The following NR3C1 variants were observed in gnomAD, a reference collection of about 807,000 sequenced individuals.
The protein encoded by NR3C1 is nuclear receptor subfamily 3 group C member 1.
NR3C1 carries 14 observed loss-of-function variants against 74.0 expected under a neutral mutation model. The observed-to-expected ratio is 0.19, with a 90% CI of 0.12 to 0.30. The LOEUF is 0.30. NR3C1 is among the 10% of genes least tolerant of loss of function. The pLI is 1.00. For missense variants in NR3C1, 695 were observed against 909.8 expected (o/e 0.76, Z 3.04); for synonymous variants, 308 against 332.5 (o/e 0.93, Z 0.80).
intron 2 of NR3C1, among the ~76,000 whole-genome samples, chr5:143,363,348 T>C (rs1189786410): frequency 6.6e-6 from 1 of 152,142 alleles, no homozygotes; most frequent in Non-Finnish European, 1.5e-5. Flanking sequence ...TACACTATAA[T>C]ATTCAAAATG....
intron 2 of NR3C1, among the ~76,000 whole-genome samples, chr5:143,323,328 T>C (rs1325417542): frequency 6.6e-6 from 1 of 152,174 alleles, no homozygotes; most frequent in Non-Finnish European, 1.5e-5. Context: ...TGAAAGGTAC[T>C]TCTTACATGG....
chr5:143,308,596 A>G (rs2151594777), intron 4 of NR3C1, among the ~76,000 whole-genome samples: 1 of 152,292 alleles, frequency 6.6e-6, no homozygotes, highest in South Asian at 2.1e-4. Context: ...TAGTCTTTGT[A>G]AAATACAAAT....
In NR3C1 at chr5:143,280,872, C is replaced by T. The variant is rs1812977323; in HGVS notation, c.*1017G>A. On this transcript the variant is annotated 3_prime_UTR_variant, in exon 9 of 9. Transcript: ENST00000394464. ...GAATCACAACTTTTAAGAAGTTATA[C>T]AAACTACTTCAAAAGGTCCTGAAAG... 1 of 152,318 alleles carries T rather than the reference C, an allele frequency of 6.6e-6. No homozygotes were observed. Among genetic ancestry groups the T allele is most frequent in the African/African-American group, 2.4e-5 (1 of 41,582 alleles). The allele number at this position is 152,318 out of a possible 1,614,324, so 9.4% of individuals were successfully genotyped here. A position where few individuals can be genotyped will look rare whatever the true frequency, so the allele number is the denominator to read the frequency against.
At chr5:143,404,202 G>GCGCCGC (rs997931393), upstream of NR3C1, 2 of 985,264 alleles carry the variant, frequency 2.0e-6, no homozygotes, top group African/African-American at 1.7e-5. Context: ...TGAGTGGCCC[G>GCGCCGC]CGCCGCCGCC....
At chr5:143,404,421 C>T (rs1157872276), upstream of NR3C1, 1 of 985,608 alleles carries the variant, frequency 1.0e-6, no homozygotes, top group East Asian at 1.1e-4. Flanking sequence ...CCCACCACCG[C>T]ATCATCTGGG....
At chr5:143,360,866 C>T (rs1832101634) in intron 2 of NR3C1, among the ~76,000 whole-genome samples, 1 of 152,144 alleles carries the variant, frequency 6.6e-6, no homozygotes, top group African/African-American at 2.4e-5. Context: ...ATGTAAATTT[C>T]CTCTGCTATA....
chr5:143,410,893 T>C (rs1009538358), intron 1 of NR3C1, among the ~76,000 whole-genome samples: 29 of 152,192 alleles, frequency 1.9e-4, no homozygotes, highest in African/African-American at 7.0e-4. Flanking sequence ...CCGGAAACAA[T>C]TGTACCAGCT....
At chr5:143,299,071 A>G (rs913952265) in intron 5 of NR3C1, among the ~76,000 whole-genome samples, 2 of 146,426 alleles carry the variant, frequency 1.4e-5, no homozygotes, top group African/African-American at 2.5e-5. Context: ...CTGGAGTGCA[A>G]TGGTGCCATC....
chr5:143,320,696 A>G (rs1232945531), intron 2 of NR3C1, among the ~76,000 whole-genome samples: 1 of 152,218 alleles, frequency 6.6e-6, no homozygotes, highest in African/African-American at 2.4e-5. Flanking sequence ...CATGTTATCT[A>G]TGCTACTTAA....
At chr5:143,416,283 A>G (rs1008852443) in intron 1 of NR3C1, among the ~76,000 whole-genome samples, 3 of 152,182 alleles carry the variant, frequency 2.0e-5, no homozygotes, top group Non-Finnish European at 2.9e-5. Context: ...TGCATGGGCC[A>G]GGTCTGGTAA....
chr5:143,354,308 C>G (rs939770377), intron 2 of NR3C1, among the ~76,000 whole-genome samples: 2 of 152,194 alleles, frequency 1.3e-5, no homozygotes, highest in Admixed American at 6.5e-5. Context: ...AGAGCTTTTC[C>G]TTTGCATTCA....
chr5:143,329,471 G>A (rs1222841103), intron 2 of NR3C1, among the ~76,000 whole-genome samples: 2 of 152,158 alleles, frequency 1.3e-5, no homozygotes, highest in Non-Finnish European at 2.9e-5. Context: ...ACTCAGAAAT[G>A]TTAGAGAATT....
chr5:143,324,371 G>A (rs977161791), intron 2 of NR3C1, among the ~76,000 whole-genome samples: 2 of 152,196 alleles, frequency 1.3e-5, no homozygotes, highest in Non-Finnish European at 2.9e-5. Context: ...CCAAGGCTTG[G>A]GGCCTCCACC....
At chr5:143,310,718 A>G (rs548641522) in intron 3 of NR3C1, among the ~76,000 whole-genome samples, 1 of 152,136 alleles carries the variant, frequency 6.6e-6, no homozygotes, top group Non-Finnish European at 1.5e-5. Flanking sequence ...GTAGTAGTGT[A>G]GTGGCATGAC....
At position 143,403,599 on chromosome 5, in the gene NR3C1, C is replaced by T; in HGVS notation, c.-402G>A. The T allele has an allele frequency of 1.0e-6, 1 of 985,934 alleles. No individual in the cohort carries two copies. Among genetic ancestry groups the T allele is most frequent in the South Asian group, 4.7e-5 (1 of 21,304 alleles). 61.1% of individuals were successfully genotyped at this position (985,934 alleles called of 1,614,324 possible). A position where few individuals can be genotyped will look rare whatever the true frequency, so the allele number is the denominator to read the frequency against. On this transcript the variant is annotated 5_prime_UTR_variant, in exon 1 of 9. Coordinates refer to ENST00000394464, the MANE Select transcript of NR3C1 (RefSeq NM_000176.3). ...CGAGCTCGCAAAATGGAGGAGGCGG[C>T]GGCGGAGGGAAGAGAGCGCGGACAC...
exon 1 of NR3C1, chr5:143,435,086 T>C (rs1037670006): frequency 7.1e-6 from 7 of 985,476 alleles, no homozygotes; most frequent in African/African-American, 1.7e-5. Flanking sequence ...ATGTGAGGTC[T>C]GATGCTGGGA....
At chr5:143,338,259 G>A (rs957711732) in intron 2 of NR3C1, among the ~76,000 whole-genome samples, 1 of 151,846 alleles carries the variant, frequency 6.6e-6, no homozygotes, top group African/African-American at 2.4e-5. Context: ...CATAATACTC[G>A]ATAATGATAA....
chr5:143,408,435 C>T (rs1841188123), upstream of NR3C1, among the ~76,000 whole-genome samples: 1 of 151,958 alleles, frequency 6.6e-6, no homozygotes, highest in Non-Finnish European at 1.5e-5. Context: ...TACTATTTTC[C>T]CCCTTTTTTT....
intron 2 of NR3C1, among the ~76,000 whole-genome samples, chr5:143,316,250 ACTC>A (rs1310546069): frequency 6.6e-6 from 1 of 151,204 alleles, no homozygotes; most frequent in Non-Finnish European, 1.5e-5. Context: ...GGAAGCAAAA[ACTC>A]CTCTGGCTTC....
Sources: gnomAD v4.1 joint callset for allele counts (sites outside exome capture counted in the v4.1 genomes callset) on GRCh38, gnomAD v4.1.1 for gene constraint, MANE v1.5 for transcripts, NCBI Gene and HGNC (gene_info 2026-07-23, HGNC 2026-07-21) for gene names.